MEIS1: variants seen among roughly 807,000 people sequenced by gnomAD.
MEIS1 encodes Meis homeobox 1, also known as homeobox protein Meis1.
Under a neutral mutation model 50.8 loss-of-function variants are expected in MEIS1, and 5 were observed. The ratio of observed to expected loss-of-function variants is 0.10; its 90% confidence interval spans 0.05 to 0.21. The LOEUF (loss-of-function observed/expected upper bound fraction) is 0.21. MEIS1 is among the 10% of genes least tolerant of loss of function. The probability of loss-of-function intolerance (pLI) is 1.00; values close to 1 mark genes in which losing one functional copy is unlikely to be tolerated. For synonymous variants in MEIS1, 176 were observed against 179.3 expected (o/e 0.98, Z 0.15); for missense variants, 318 against 517.3 (o/e 0.61, Z 3.74).
At chr2:66,450,246 A>G (rs893810784) in intron 6 of MEIS1, among the ~76,000 whole-genome samples, 1 of 152,156 alleles carries the variant, frequency 6.6e-6, no homozygotes, top group Non-Finnish European at 1.5e-5. Context: ...GTACTTCATA[A>G]TTCTATTTAC....
intron 10 of MEIS1, 142 bp from the exon 11 acceptor site, chr2:66,568,521 AAATT>A: frequency 2.3e-5 from 11 of 481,262 alleles, no homozygotes; most frequent in South Asian, 5.3e-5. Context: ...AGTCTGAGAG[AAATT>A]TCACTTTGAA....
chr2:66,501,678 A>C (rs1659623550), intron 7 of MEIS1, among the ~76,000 whole-genome samples: 1 of 152,090 alleles, frequency 6.6e-6, no homozygotes, highest in Non-Finnish European at 1.5e-5. Context: ...TGGAAAATTT[A>C]TCCAATTTCC....
At chr2:66,464,315 C>A in intron 7 of MEIS1, 95 bp downstream of exon 7, 1 of 1,004,894 alleles carries the variant, frequency 1.0e-6, no homozygotes, top group Non-Finnish European at 1.5e-6. Flanking sequence ...ACAGTTTTTC[C>A]TAGAAGATAA....
At chr2:66,569,932 AT>A (rs1211174770) in intron 12 of MEIS1, 1 of 152,406 alleles carries the variant, frequency 6.6e-6, no homozygotes, top group Non-Finnish European at 1.5e-5. Context: ...TCACTCTTGC[AT>A]TTTCTCTCCT....
chr2:66,446,349 C>T (rs1315279654), intron 6 of MEIS1, among the ~76,000 whole-genome samples: 1 of 152,124 alleles, frequency 6.6e-6, no homozygotes, highest in Non-Finnish European at 1.5e-5. Flanking sequence ...CTATTGCGCG[C>T]CACTCCTTGA....
chr2:66,450,549 A>T (rs2103711045), intron 6 of MEIS1, among the ~76,000 whole-genome samples: 1 of 152,326 alleles, frequency 6.6e-6, no homozygotes, highest in South Asian at 2.1e-4. Context: ...CCACAACCTT[A>T]TGAGTTTAAC....
intron 8 of MEIS1, among the ~76,000 whole-genome samples, chr2:66,531,055 T>C (rs1356327651): frequency 6.6e-6 from 1 of 152,186 alleles, no homozygotes; most frequent in East Asian, 1.9e-4. Context: ...TTGTAAAATA[T>C]CTGAGCAACT....
intron 7 of MEIS1, among the ~76,000 whole-genome samples, chr2:66,494,270 C>G (rs75486612): frequency 1.3e-5 from 2 of 152,108 alleles, no homozygotes; most frequent in Non-Finnish European, 2.9e-5. Context: ...AGACCAAATT[C>G]TTTGTTAAAG....
chr2:66,478,305 G>C (rs17562094), intron 7 of MEIS1, among the ~76,000 whole-genome samples: 3,143 of 152,268 alleles, frequency 0.021, 41 homozygotes, highest in Middle Eastern at 0.075. Flanking sequence ...CCCAAGAATA[G>C]ACCTTAGGCT....
At chr2:66,507,053 A>G (rs1422386191) in intron 7 of MEIS1, among the ~76,000 whole-genome samples, 1 of 152,168 alleles carries the variant, frequency 6.6e-6, no homozygotes, top group African/African-American at 2.4e-5. Context: ...GAAAAAAGAA[A>G]CCTTCATGTT....
At chr2:66,468,649 T>TA (rs1672697030) in intron 7 of MEIS1, among the ~76,000 whole-genome samples, 1 of 152,314 alleles carries the variant, frequency 6.6e-6, no homozygotes, top group South Asian at 2.1e-4. Context: ...TCCTATTTGA[T>TA]ACACTGTTTT....
At position 66,562,611 on chromosome 2, in the gene MEIS1, T is replaced by A. The variant is rs17032238; in HGVS notation, c.966-4842T>A. Among the ~76,000 whole-genome samples, 1,252 of 152,266 alleles carry A rather than the reference T, an allele frequency of 8.2e-3. 16 individuals carry two copies. Among genetic ancestry groups the A allele is most frequent in the African/African-American group, 0.028 (1,180 of 41,574 alleles). On this transcript the variant is annotated intron_variant, in intron 9 of 12. Coordinates refer to ENST00000272369, the MANE Select transcript of MEIS1 (RefSeq NM_002398.3). ...TCCCCTGCCAACTTTCCTCTTTCGC[T>A]TTTTAGGACTTGAGTCTTAAACAAA...
At chr2:66,524,709 C>T (rs1483506508) in intron 8 of MEIS1, among the ~76,000 whole-genome samples, 1 of 146,008 alleles carries the variant, frequency 6.8e-6, no homozygotes, top group Non-Finnish European at 1.5e-5. Context: ...TTTTTTTTCA[C>T]ACAAGTATTT....
intron 7 of MEIS1, among the ~76,000 whole-genome samples, chr2:66,473,397 A>AAAAAAAAAAAATATATATATATATAT: frequency 4.6e-4 from 49 of 107,460 alleles, no homozygotes; most frequent in African/African-American, 2.6e-3. Context: ...AAAAAAAAAA[A>AAAAAAAAAAAATATATATATATATAT]ATATATATAT....
intron 1 of MEIS1, 25 bp from the exon 2 acceptor site, chr2:66,437,712 T>C (rs774075086): frequency 6.2e-7 from 1 of 1,610,846 alleles, no homozygotes; most frequent in Non-Finnish European, 8.5e-7. Flanking sequence ...TCCTGAACCT[T>C]CTTTCTCTCC....
intron 7 of MEIS1, among the ~76,000 whole-genome samples, chr2:66,476,992 G>T (rs966467861): frequency 8.5e-5 from 13 of 152,088 alleles, no homozygotes; most frequent in Non-Finnish European, 8.8e-5. Context: ...GTAGAGAGTG[G>T]GTGTGAGAGA....
intron 12 of MEIS1, chr2:66,571,026 A>G: frequency 1.9e-6 from 1 of 531,440 alleles, no homozygotes; most frequent in Non-Finnish European, 3.2e-6. Context: ...GGCGGACCTG[A>G]TAACAGTGAC....
intron 7 of MEIS1, among the ~76,000 whole-genome samples, chr2:66,486,169 G>C (rs1307069206): frequency 6.6e-6 from 1 of 152,116 alleles, no homozygotes; most frequent in Non-Finnish European, 1.5e-5. Flanking sequence ...GAAACTCTTT[G>C]CCCATGCCAG....
At chr2:66,483,126 C>T (rs952632825) in intron 7 of MEIS1, among the ~76,000 whole-genome samples, 1 of 151,960 alleles carries the variant, frequency 6.6e-6, no homozygotes, top group Non-Finnish European at 1.5e-5. Context: ...CTGTCATTAC[C>T]ACATCATCAT....
Sources: gnomAD v4.1 joint callset for allele counts (sites outside exome capture counted in the v4.1 genomes callset) on GRCh38, gnomAD v4.1.1 for gene constraint, MANE v1.5 for transcripts, NCBI Gene and HGNC (gene_info 2026-07-23, HGNC 2026-07-21) for gene names.